The following FGL1 variants were observed in gnomAD, a reference collection of about 807,000 sequenced individuals.
FGL1 encodes fibrinogen like 1.
In FGL1, 59 loss-of-function variants were observed where a neutral mutation model predicts 43.7. That is an observed-to-expected ratio of 1.35 (90% CI 1.10 to 1.68). The LOEUF (loss-of-function observed/expected upper bound fraction) is 1.68, where lower values mean the gene tolerates loss of function less well. Ranked by LOEUF, FGL1 falls within the 40% of genes most tolerant of loss-of-function variation. The probability of loss-of-function intolerance (pLI) is 0.00; values close to 1 mark genes in which losing one functional copy is unlikely to be tolerated. For missense variants in FGL1, 596 were observed against 373.0 expected, an observed-to-expected ratio of 1.60 and a Z score of -4.92; for synonymous variants, 192 against 126.5, an observed-to-expected ratio of 1.52 and a Z score of -3.48.
chr8:17,888,302 C>T (rs1213667638), intron 1 of FGL1, among the ~76,000 whole-genome samples: 2 of 152,082 alleles, frequency 1.3e-5, no homozygotes, highest in Admixed American at 6.6e-5. Context: ...ATTAGGTTTG[C>T]TATCAATTAA....
At chr8:17,877,505 AAC>A (rs2053473734) in intron 3 of FGL1, among the ~76,000 whole-genome samples, 1 of 152,126 alleles carries the variant, frequency 6.6e-6, no homozygotes, top group South Asian at 2.1e-4. Context: ...CCACATTCTA[AAC>A]ACAAAAAGAG....
intron 7 of FGL1, among the ~76,000 whole-genome samples, chr8:17,868,129 T>C (rs763981236): frequency 4.3e-4 from 66 of 152,172 alleles, no homozygotes; most frequent in Admixed American, 7.2e-4. Context: ...GCCATAGTGA[T>C]TGAAAAGTAG....
chr8:17,875,539 T>TTCTTTCTTTCTCTCTCTCTCTCTCTC (rs2053438603), intron 3 of FGL1, among the ~76,000 whole-genome samples: 2 of 14,658 alleles, frequency 1.4e-4, no homozygotes, highest in African/African-American at 3.9e-4. Flanking sequence ...TTCTTTCTCT[T>TTCTTTCTTTCTCTCTCTCTCTCTCTC]TCTTTCTTTC....
At chr8:17,885,329 T>G (rs2053611733) in intron 2 of FGL1, among the ~76,000 whole-genome samples, 163 bp downstream of exon 2, 1 of 152,124 alleles carries the variant, frequency 6.6e-6, no homozygotes, top group Non-Finnish European at 1.5e-5. Flanking sequence ...CGCTTTAAAG[T>G]GCTGCTTTAC....
chr8:17,886,399 C>T (rs576187889), intron 1 of FGL1, among the ~76,000 whole-genome samples: 2 of 152,174 alleles, frequency 1.3e-5, no homozygotes, highest in South Asian at 4.1e-4. Context: ...TGCGAACTGA[C>T]AAAGTCAAAG....
At chr8:17,882,971 ATATTAAATATATAAT>A in intron 2 of FGL1, among the ~76,000 whole-genome samples, 1 of 100,344 alleles carries the variant, frequency 1.0e-5, no homozygotes, top group South Asian at 3.1e-4. Context: ...CATATATAAT[ATATTAAATATATAAT>A]ATATATCATA....
At chr8:17,871,265 C>T (rs148290707) in intron 5 of FGL1, among the ~76,000 whole-genome samples, 84 of 152,086 alleles carry the variant, frequency 5.5e-4, no homozygotes, top group East Asian at 3.1e-3. Context: ...GGCTAAGGCA[C>T]GCAGATGACT....
chr8:17,866,092 C>T (rs1192590077), intron 7 of FGL1, among the ~76,000 whole-genome samples: 1 of 152,182 alleles, frequency 6.6e-6, no homozygotes, highest in African/African-American at 2.4e-5. Context: ...TATCTAGAGA[C>T]ATCTGCTAAC....
chr8:17,877,454 T>C (rs1325016430), intron 3 of FGL1, among the ~76,000 whole-genome samples: 1 of 152,124 alleles, frequency 6.6e-6, no homozygotes, highest in Admixed American at 6.6e-5. Context: ...CTCAGGATGG[T>C]GGCTGAGGCA....
In FGL1 at chr8:17,887,962, AT is replaced by A. The variant is rs949498218; in HGVS notation, c.-17-2392del. The stretch of plus-strand genomic sequence containing the variant: ...CACTCTTTATTTTATCTTAGTAAAT[AT>A]TTTTTCTTTAAAATTCAATTGTATA... On this transcript the variant is annotated intron_variant, in intron 1 of 7. Transcript: ENST00000427924. Among the ~76,000 whole-genome samples, 204 of 152,052 alleles carry A rather than the reference AT, an allele frequency of 1.3e-3. 1 individual carries two copies. Among genetic ancestry groups the A allele is most frequent in the African/African-American group, 4.6e-3 (191 of 41,484 alleles).
intron 1 of FGL1, among the ~76,000 whole-genome samples, chr8:17,893,803 C>G (rs918522224): frequency 2.0e-5 from 3 of 147,200 alleles, no homozygotes; most frequent in Admixed American, 6.7e-5. Flanking sequence ...AAATTCTGGT[C>G]TCCATCATTC....
chr8:17,865,290 T>C (rs1039305650), intron 7 of FGL1, among the ~76,000 whole-genome samples: 6 of 152,196 alleles, frequency 3.9e-5, no homozygotes, highest in African/African-American at 1.4e-4. Context: ...AATTTCATAC[T>C]TAACAAGAGC....
chr8:17,888,620 T>G (rs546127050), intron 1 of FGL1, among the ~76,000 whole-genome samples: 2 of 152,316 alleles, frequency 1.3e-5, no homozygotes, highest in African/African-American at 4.8e-5. Context: ...TTTTTCTTTT[T>G]TTGTCTGAGG....
Position 17,874,504 on chromosome 8 carries a change from T to C in FGL1, c.262A>G (p.Asn88Asp), listed in dbSNP as rs763124895. 4.5e-5 allele frequency: 72 copies of C among 1,606,778 alleles called. No individual in the cohort carries two copies. Among genetic ancestry groups the C allele is most frequent in the Non-Finnish European group, 5.9e-5 (69 of 1,176,982 alleles). Residue 88 changes from asparagine to aspartate, a missense_variant, in exon 4 of 8, where the codon AAT (asparagine) becomes GAT (aspartate). Physicochemically the swap from Asn to Asp is conservative, Grantham distance 23 (BLOSUM62 1). Transcript: ENST00000427924. ...AATCCACTGAGCTTATACCCATCATTGAAAATCTCTGAACAATCTGTTTTT... is the reference window on the plus strand; with the variant it reads ...AATCCACTGAGCTTATACCCATCATCGAAAATCTCTGAACAATCTGTTTTT... ...RQYADCSEIF[N>D]DGYKLSGFYK...
intron 1 of FGL1, among the ~76,000 whole-genome samples, chr8:17,886,556 G>A (rs1208669113): frequency 2.6e-5 from 4 of 152,094 alleles, no homozygotes; most frequent in Non-Finnish European, 5.9e-5. Flanking sequence ...TCAGGAGCTC[G>A]AGACCAGCCT....
chr8:17,883,795 C>G (rs923495277), intron 2 of FGL1, among the ~76,000 whole-genome samples: 8 of 106,124 alleles, frequency 7.5e-5, no homozygotes, highest in Non-Finnish European at 1.3e-4. Context: ...CTCCCTTTTC[C>G]TTCCCCTTCC....
intron 2 of FGL1, among the ~76,000 whole-genome samples, chr8:17,883,080 A>C (rs1233342452): frequency 1.4e-5 from 1 of 70,956 alleles, no homozygotes; most frequent in Non-Finnish European, 2.2e-5. Flanking sequence ...TTAAATATAT[A>C]ATATATATCA....
At chr8:17,889,023 G>A (rs79578967) in intron 1 of FGL1, among the ~76,000 whole-genome samples, 3,305 of 152,228 alleles carry the variant, frequency 0.022, 61 homozygotes, top group South Asian at 0.042. Context: ...TGATGGGACA[G>A]TAAGCGTAGT....
chr8:17,875,580 T>C (rs1444981588), intron 3 of FGL1, among the ~76,000 whole-genome samples: 109 of 25,986 alleles, frequency 4.2e-3, no homozygotes, highest in African/African-American at 8.0e-3. Flanking sequence ...TTTCTTTCTT[T>C]CTTTCTTTCT....
Sources: gnomAD v4.1 joint callset for allele counts (sites outside exome capture counted in the v4.1 genomes callset) on GRCh38, gnomAD v4.1.1 for gene constraint, MANE v1.5 for transcripts, NCBI Gene and HGNC (gene_info 2026-07-23, HGNC 2026-07-21) for gene names.